The following CAMKK1 variants were observed in gnomAD, a reference collection of about 807,000 sequenced individuals.
The protein encoded by CAMKK1 is calcium/calmodulin dependent protein kinase kinase 1, also known as calcium/calmodulin-dependent protein kinase kinase 1.
A neutral mutation model predicts 63.5 loss-of-function variants in CAMKK1; 20 were observed. That is an observed-to-expected ratio of 0.32 (90% CI 0.22 to 0.46). CAMKK1 has a LOEUF of 0.46. CAMKK1 is among the 20% of genes least tolerant of loss of function. CAMKK1 has a pLI of 1.00. For missense variants in CAMKK1, 588 were observed against 658.1 expected, an observed-to-expected ratio of 0.89 and a Z score of 1.17; for synonymous variants, 253 against 269.0, an observed-to-expected ratio of 0.94 and a Z score of 0.58.
chr17:3,883,547 G>T lies in CAMKK1; in HGVS notation c.463-67C>A, dbSNP rs2143876212. On this transcript the variant is annotated intron_variant, in intron 4 of 15. Coordinates refer to ENST00000348335, the MANE Select transcript of CAMKK1 (RefSeq NM_032294.3). The surrounding 1 kb of genome is among the most constrained non-coding windows in gnomAD (Gnocchi z 4.7). The stretch of plus-strand genomic sequence containing the variant: ...CAGGGGCTAGAACAGGCTGGTACAT[G>T]TGGACTGAGGTCCGGAGAGGCACAC... The T allele has an allele frequency of 7.8e-7, 1 of 1,275,584 alleles. No homozygotes were observed. The highest frequency in any genetic ancestry group is 1.1e-6 in the Non-Finnish European group (1 of 871,568). The allele number at this position is 1,275,584 out of a possible 1,614,324, so 79.0% of individuals were successfully genotyped here. A position where few individuals can be genotyped will look rare whatever the true frequency, so the allele number is the denominator to read the frequency against.
Position 3,883,489 on chromosome 17 carries a change from G to T in CAMKK1, c.463-9C>A. ...GAAAGGACTTTCATTGCCTAAGGAA[G>T]GAGGGACAGAAATGTCACTACTGTG... On this transcript the variant is annotated splice_polypyrimidine_tract_variant and intron_variant, in intron 4 of 15. Transcript: ENST00000348335. The surrounding 1 kb of genome is among the most constrained non-coding windows in gnomAD (Gnocchi z 4.7). The T allele has an allele frequency of 6.2e-7, 1 of 1,612,088 alleles. No homozygotes were observed. Among genetic ancestry groups the T allele is most frequent in the Non-Finnish European group, 8.5e-7 (1 of 1,178,172 alleles).
chr17:3,885,189 G>C, intron 2 of CAMKK1, 139 bp downstream of exon 2: 1 of 1,037,358 alleles, frequency 9.6e-7, no homozygotes, highest in South Asian at 1.9e-5. Context: ...AAGCTATATT[G>C]TTAGGTAGTG....
At position 3,869,471 on chromosome 17, in the gene CAMKK1, A is replaced by AC. The variant is rs1222368146; in HGVS notation, c.1341+15dup. 2 of 1,613,820 alleles carry AC rather than the reference A, an allele frequency of 1.2e-6. No individual in the cohort carries two copies. The highest frequency in any genetic ancestry group is 1.7e-5 in the Admixed American group (1 of 59,982). ...GGCCCTCCAGGACAAGGGAGCATCTACCCCGGCTCTCTTACCACCGTGGTC... is the reference window on the plus strand; with the variant it reads ...GGCCCTCCAGGACAAGGGAGCATCTACCCCCGGCTCTCTTACCACCGTGGTC... On this transcript the variant is annotated intron_variant, in intron 14 of 15. Coordinates refer to ENST00000348335, the MANE Select transcript of CAMKK1 (RefSeq NM_032294.3).
Position 3,882,047 on chromosome 17 carries a change from C to T in CAMKK1, c.686-399G>A. 1.8e-6 allele frequency: 1 copy of T among 548,556 alleles called. No homozygotes were observed. The allele number at this position is 548,556 out of a possible 1,614,324, so 34.0% of individuals were successfully genotyped here. A position where few individuals can be genotyped will look rare whatever the true frequency, so the allele number is the denominator to read the frequency against. On this transcript the variant is annotated intron_variant, in intron 7 of 15. Transcript: ENST00000348335. This position sits in a 1 kb window ranked among gnomAD's most constrained non-coding sequence, Gnocchi z 4.3. ...CCCATTTTCTGAGGCCTCCTCTAAG[C>T]CCAGCCCTGAACCAGACACAAGGAA...
chr17:3,864,566 G>T (rs1173014324), intron 15 of CAMKK1, among the ~76,000 whole-genome samples: 1 of 152,168 alleles, frequency 6.6e-6, no homozygotes, highest in African/African-American at 2.4e-5. Context: ...AATTATTAAT[G>T]GCTTCCCCTT....
chr17:3,862,649 A>C lies in CAMKK1; in HGVS notation c.1446-366T>G, dbSNP rs1244881255. On this transcript the variant is annotated intron_variant, in intron 15 of 15. Transcript: ENST00000348335. This position sits in a 1 kb window ranked among gnomAD's most constrained non-coding sequence, Gnocchi z 4.1. ...TGTGTGTGGTTTTGTTGTTGTTTTG[A>C]GACAGCGTCTCGCTCTGTCGTGCAG... Among the ~76,000 whole-genome samples the C allele has an allele frequency of 6.6e-6, 1 of 152,150 alleles. No individual in the cohort carries two copies. Among genetic ancestry groups the C allele is most frequent in the Non-Finnish European group, 1.5e-5 (1 of 68,026 alleles).
intron 14 of CAMKK1, among the ~76,000 whole-genome samples, chr17:3,866,454 G>A (rs1305194024): frequency 1.3e-5 from 2 of 152,266 alleles, no homozygotes; most frequent in Non-Finnish European, 2.9e-5. Flanking sequence ...GGCCCAGTCA[G>A]TGGGGCTGCC....
At position 3,883,317 on chromosome 17, in the gene CAMKK1, T is replaced by G; in HGVS notation, c.514+112A>C. 2 of 1,466,386 alleles carry G rather than the reference T, an allele frequency of 1.4e-6. No homozygotes were observed. The highest frequency in any genetic ancestry group is 1.9e-6 in the Non-Finnish European group (2 of 1,050,358). The allele number at this position is 1,466,386 out of a possible 1,614,324, so 90.8% of individuals were successfully genotyped here. ...GCACATTCTGTCCCCAGGCCTCTGC[T>G]CACGCTGTCTCCCTCTCTACCCCAT... On this transcript the variant is annotated intron_variant, in intron 5 of 15. Transcript: ENST00000348335. This position sits in a 1 kb window ranked among gnomAD's most constrained non-coding sequence, Gnocchi z 4.7.
intron 12 of CAMKK1, among the ~76,000 whole-genome samples, chr17:3,871,711 C>T (rs1446095428): frequency 1.4e-5 from 2 of 142,678 alleles, no homozygotes; most frequent in African/African-American, 2.7e-5. Context: ...TGCTCTGTCG[C>T]CCAGGCTCAC....
chr17:3,889,222 T>A lies in CAMKK1; in HGVS notation c.-43-3492A>T, dbSNP rs548577179. Among the ~76,000 whole-genome samples the A allele has an allele frequency of 7.0e-4, 106 of 152,134 alleles. No homozygotes were observed. The highest frequency in any genetic ancestry group is 9.4e-4 in the Non-Finnish European group (64 of 67,980). ...CATCTGGAGGCTCACACAGGGGGTG[T>A]CTCAAGGCCCTTCCCAAGCTCAGGC... is the stretch of plus-strand genomic sequence containing the variant. On this transcript the variant is annotated intron_variant, in intron 1 of 15. Coordinates refer to ENST00000348335, the MANE Select transcript of CAMKK1 (RefSeq NM_032294.3). This position sits in a 1 kb window ranked among gnomAD's most constrained non-coding sequence, Gnocchi z 5.2.
rs1401191165 is a variant in CAMKK1 at position 3,889,402 on chromosome 17, C to A, written c.-44+3537G>T. Among the ~76,000 whole-genome samples the A allele has an allele frequency of 6.6e-6, 1 of 152,152 alleles. No individual in the cohort carries two copies. The highest frequency in any genetic ancestry group is 2.4e-5 in the African/African-American group (1 of 41,408). The stretch of plus-strand genomic sequence containing the variant: ...GGCTTAGTCCTGCGGCCGTGAACAG[C>A]CAGACTCAAGCCCTCCCTCATTGGG... On this transcript the variant is annotated intron_variant, in intron 1 of 15. Transcript: ENST00000348335. The surrounding 1 kb of genome is among the most constrained non-coding windows in gnomAD (Gnocchi z 5.2).
chr17:3,871,354 T>TG (rs2054853459), intron 12 of CAMKK1, among the ~76,000 whole-genome samples: 5 of 98,706 alleles, frequency 5.1e-5, no homozygotes, highest in East Asian at 4.4e-4. Flanking sequence ...TTTGTTTTTT[T>TG]TTTTTTTTTT....
chr17:3,872,708 G>A (rs980865454), intron 11 of CAMKK1, 81 bp from the exon 12 acceptor site: 1 of 1,221,142 alleles, frequency 8.2e-7, no homozygotes, highest in Non-Finnish European at 1.2e-6. Flanking sequence ...TCCCTTGGTG[G>A]GGGCAGGGGT....
rs772606409 is a variant in CAMKK1, at chr17:3,883,015, TC to T, written c.648+26del. 608 of 1,611,772 alleles carry T rather than the reference TC, an allele frequency of 3.8e-4. 1 individual carries two copies. Among genetic ancestry groups the T allele is most frequent in the Non-Finnish European group, 4.9e-4 (576 of 1,178,808 alleles). ...GCTCCCATGAGACTCAGGTGCTGGT[TC>T]CCACCTGCTCACCACCACCCCCTAC... On this transcript the variant is annotated intron_variant, in intron 6 of 15. Coordinates refer to ENST00000348335, the MANE Select transcript of CAMKK1 (RefSeq NM_032294.3). This position sits in a 1 kb window ranked among gnomAD's most constrained non-coding sequence, Gnocchi z 4.7.
intron 12 of CAMKK1, 49 bp downstream of exon 12, chr17:3,872,505 C>T (rs1344840281): frequency 1.3e-6 from 2 of 1,508,838 alleles, no homozygotes; most frequent in South Asian, 1.1e-5. Context: ...AAAACTCAGA[C>T]ACCAGGAGCG....
intron 12 of CAMKK1, among the ~76,000 whole-genome samples, chr17:3,871,628 T>C (rs147577782): frequency 4.0e-5 from 6 of 149,834 alleles, no homozygotes; most frequent in Non-Finnish European, 8.9e-5. Context: ...AGTGCTGGAA[T>C]TACAGGTGTG....
rs59362372 is a variant in CAMKK1, at chr17:3,890,631, C to T, written c.-44+2308G>A. On this transcript the variant is annotated intron_variant, in intron 1 of 15. Coordinates refer to ENST00000348335, the MANE Select transcript of CAMKK1 (RefSeq NM_032294.3). The surrounding 1 kb of genome is among the most constrained non-coding windows in gnomAD (Gnocchi z 6.5). ...CTGACCCAGGTCAGCAATCCGGGAG[C>T]CCTCCTTGTCACTCGTCCTTTCCCT... The T allele has an allele frequency of 9.1e-5, 71 of 779,566 alleles. 1 individual carries two copies. The South Asian group carries it at 9.1e-4, about 10-fold the overall frequency. The allele number at this position is 779,566 out of a possible 1,614,324, so 48.3% of individuals were successfully genotyped here.
In CAMKK1 at chr17:3,891,785, G is replaced by A. The variant is rs566512893; in HGVS notation, c.-44+1154C>T. On this transcript the variant is annotated intron_variant, in intron 1 of 15. Transcript: ENST00000348335. ...AAGTTTGCACTGTGCATATAGGAGAGTCATTTCCTGGCTGGGACTCCGGGC... is the reference window on the plus strand; with the variant it reads ...AAGTTTGCACTGTGCATATAGGAGAATCATTTCCTGGCTGGGACTCCGGGC... 2.4e-4 allele frequency among the ~76,000 whole-genome samples: 36 copies of A among 152,276 alleles called. No individual in the cohort carries two copies. The South Asian group carries it at 7.5e-3, about 32-fold the overall frequency.
At chr17:3,876,132 C>T (rs1318178024) in intron 10 of CAMKK1, 91 bp downstream of exon 10, 6 of 1,236,658 alleles carry the variant, frequency 4.9e-6, no homozygotes, top group South Asian at 2.9e-5. Flanking sequence ...ACACAAAGAC[C>T]CTGGCACCCT....
Sources: allele counts gnomAD v4.1 joint callset (sites outside exome capture counted in the v4.1 genomes callset), GRCh38; gene constraint gnomAD v4.1.1; non-coding constraint Gnocchi (gnomAD v3.1); transcripts MANE v1.5; gene names NCBI Gene and HGNC (gene_info 2026-07-23, HGNC 2026-07-21).